Variants in CNBD1 observed in about 807,000 individuals in gnomAD.
The protein encoded by CNBD1 is cyclic nucleotide binding domain containing 1, also known as cyclic nucleotide-binding domain-containing protein 1.
In CNBD1, 71 loss-of-function variants were observed where a neutral mutation model predicts 54.4. The observed-to-expected ratio is 1.30, with a 90% CI of 1.08 to 1.59. The LOEUF (loss-of-function observed/expected upper bound fraction) is 1.59, where lower values mean the gene tolerates loss of function less well. CNBD1 is among the 40% of genes most tolerant of loss of function. CNBD1 has a pLI of 0.00. For missense variants in CNBD1, 659 were observed against 518.0 expected (o/e 1.27, Z -2.64); for synonymous variants, 182 against 170.7 (o/e 1.07, Z -0.51).
intron 4 of CNBD1, among the ~76,000 whole-genome samples, chr8:87,083,877 C>T (rs986642907): frequency 1.4e-4 from 21 of 151,980 alleles, no homozygotes; most frequent in Admixed American, 7.2e-4. Flanking sequence ...CTTGAGCCAC[C>T]GCGCCTGGCC....
At chr8:87,341,639 G>A (rs1810065643) in intron 8 of CNBD1, among the ~76,000 whole-genome samples, 1 of 152,162 alleles carries the variant, frequency 6.6e-6, no homozygotes, top group Non-Finnish European at 1.5e-5. Flanking sequence ...TGGGATTGGT[G>A]CAATCATAAA....
chr8:86,963,537 ACCATTGCCT>A (rs1346193471), intron 4 of CNBD1, among the ~76,000 whole-genome samples: 1 of 152,158 alleles, frequency 6.6e-6, no homozygotes. Flanking sequence ...GGGCTGCTCT[ACCATTGCCT>A]CCCTATCACA....
intron 2 of CNBD1, among the ~76,000 whole-genome samples, chr8:86,893,000 A>G (rs770959988): frequency 5.3e-5 from 8 of 152,174 alleles, no homozygotes; most frequent in South Asian, 2.1e-4. Flanking sequence ...TGGTTTATGT[A>G]CACATAAAAG....
At chr8:87,096,209 A>G (rs1811316937) in intron 4 of CNBD1, among the ~76,000 whole-genome samples, 2 of 152,210 alleles carry the variant, frequency 1.3e-5, no homozygotes, top group African/African-American at 2.4e-5. Context: ...TTATGTTTTC[A>G]CAATTCTGGA....
At chr8:87,377,260 TCATCTAG>T (rs1360651349) in intron 10 of CNBD1, among the ~76,000 whole-genome samples, 2 of 151,278 alleles carry the variant, frequency 1.3e-5, no homozygotes, top group Admixed American at 1.3e-4. Context: ...CACTAACTCA[TCATCTAG>T]CATTAGATAT....
intron 6 of CNBD1, among the ~76,000 whole-genome samples, chr8:87,255,253 A>G (rs1714631462): frequency 6.6e-6 from 1 of 152,162 alleles, no homozygotes. Context: ...TGTTCAGGGA[A>G]GGGAGTGGCA....
At chr8:87,289,772 C>T (rs1196093858) in intron 8 of CNBD1, among the ~76,000 whole-genome samples, 1 of 152,102 alleles carries the variant, frequency 6.6e-6, no homozygotes, top group South Asian at 2.1e-4. Flanking sequence ...TACATAGGCT[C>T]TACATCCCTT....
downstream of CNBD1, among the ~76,000 whole-genome samples, chr8:87,385,503 C>T (rs1049489816): frequency 5.9e-5 from 9 of 152,070 alleles, no homozygotes; most frequent in Admixed American, 1.3e-4. Flanking sequence ...CCTACGCCCA[C>T]GGATCCTTGC....
chr8:87,023,752 C>A (rs1429952385), intron 4 of CNBD1, among the ~76,000 whole-genome samples: 1 of 152,168 alleles, frequency 6.6e-6, no homozygotes, highest in Admixed American at 6.5e-5. Flanking sequence ...GTTAGTGTGG[C>A]TGGATGTCTT....
At chr8:87,288,005 A>G (rs1808727537) in intron 8 of CNBD1, among the ~76,000 whole-genome samples, 1 of 152,084 alleles carries the variant, frequency 6.6e-6, no homozygotes, top group African/African-American at 2.4e-5. Flanking sequence ...AACCAAAAGT[A>G]CAAATGGAAG....
At chr8:87,380,984 C>A (rs1004334700) in intron 10 of CNBD1, among the ~76,000 whole-genome samples, 1 of 151,968 alleles carries the variant, frequency 6.6e-6, no homozygotes, top group African/African-American at 2.4e-5. Flanking sequence ...TTTGTCTTGG[C>A]AATGACTTCA....
rs2130829494 is a variant in CNBD1, at chr8:87,240,876, C to T, written c.771+3764C>T. On this transcript the variant is annotated intron_variant, in intron 6 of 10. Coordinates refer to ENST00000518476, the MANE Select transcript of CNBD1 (RefSeq NM_173538.3). The stretch of plus-strand genomic sequence containing the variant: ...TTGATCCCTGGCTTCAGGCAGTGAC[C>T]ACTTGAATCGCTTTTTAGGGTCAAA... Among the ~76,000 whole-genome samples, 3 of 152,188 alleles carry T rather than the reference C, an allele frequency of 2.0e-5. No individual in the cohort carries two copies. In the East Asian group the frequency reaches 5.8e-4, roughly 30 times the overall value.
At chr8:87,391,730 G>A (rs927322446) in intron 2 of CNBD1, among the ~76,000 whole-genome samples, 1 of 152,004 alleles carries the variant, frequency 6.6e-6, no homozygotes, top group Non-Finnish European at 1.5e-5. Context: ...AACTAAAACT[G>A]TACAACTCTT....
chr8:87,154,124 A>G (rs1221250740), intron 4 of CNBD1, among the ~76,000 whole-genome samples: 1 of 152,190 alleles, frequency 6.6e-6, no homozygotes, highest in Non-Finnish European at 1.5e-5. Flanking sequence ...TATTTATCAA[A>G]TTCCTACATT....
chr8:87,324,704 G>A (rs183554714), intron 8 of CNBD1, among the ~76,000 whole-genome samples: 1 of 151,468 alleles, frequency 6.6e-6, no homozygotes. Flanking sequence ...TTTTTTCTTA[G>A]TAGTCTTGCT....
intron 1 of CNBD1, among the ~76,000 whole-genome samples, chr8:86,869,299 A>G (rs886115455): frequency 3.3e-5 from 5 of 152,182 alleles, no homozygotes; most frequent in Admixed American, 3.3e-4. Flanking sequence ...CACAGATGTT[A>G]AGTAGCAGAG....
intron 8 of CNBD1, among the ~76,000 whole-genome samples, chr8:87,331,911 T>C (rs4961028): frequency 0.37 from 55,961 of 152,034 alleles, 10,603 homozygotes; most frequent in Middle Eastern, 0.45. Flanking sequence ...GATGGGGTTT[T>C]GTTTTTTTCT....
intron 5 of CNBD1, among the ~76,000 whole-genome samples, chr8:87,225,659 T>C (rs1382843140): frequency 6.6e-6 from 1 of 152,212 alleles, no homozygotes; most frequent in Admixed American, 6.5e-5. Flanking sequence ...TTATTGAGGA[T>C]TTTTGCATCA....
chr8:87,052,741 C>T (rs774843260), intron 4 of CNBD1, among the ~76,000 whole-genome samples: 25 of 152,280 alleles, frequency 1.6e-4, no homozygotes, highest in Non-Finnish European at 2.2e-4. Flanking sequence ...TGTTTCTCCA[C>T]AGCAGTCAGG....
Sources: allele counts gnomAD v4.1 joint callset (sites outside exome capture counted in the v4.1 genomes callset), GRCh38; gene constraint gnomAD v4.1.1; transcripts MANE v1.5; gene names NCBI Gene and HGNC (gene_info 2026-07-23, HGNC 2026-07-21).